ZNF407: variants seen among roughly 807,000 people sequenced by gnomAD.
The protein encoded by ZNF407 is zinc finger protein 407.
ZNF407 carries 17 observed loss-of-function variants against 131.2 expected under a neutral mutation model. The ratio of observed to expected loss-of-function variants is 0.13; its 90% CI spans 0.09 to 0.19. The LOEUF (loss-of-function observed/expected upper bound fraction) is 0.19. Ranked by LOEUF, ZNF407 falls within the 10% of genes least tolerant of loss-of-function variation. ZNF407 has a pLI of 1.00. For synonymous variants in ZNF407, 1,156 were observed against 1,062.0 expected (o/e 1.09, Z -1.72); for missense variants, 2,681 against 2,830.6 (o/e 0.95, Z 1.20).
rs1324206015 is a variant in ZNF407 at position 74,638,612 on chromosome 18, A to AT, written c.4688-2394dup. On this transcript the variant is annotated intron_variant, in intron 2 of 8. Transcript: ENST00000299687. ...AGACCTGGATTTTAAAGTCTTTGAA[A>AT]TTCTTTCGGTAAAGTAATAAGGTAC... Among the ~76,000 whole-genome samples the AT allele has an allele frequency of 3.3e-5, 5 of 152,316 alleles. No individual in the cohort carries two copies. In the East Asian group the frequency reaches 5.8e-4, roughly 18 times the overall value.
chr18:74,786,793 GTTTTTTTTT>G lies in ZNF407; in HGVS notation c.4877+5311_4877+5319del, dbSNP rs869103622. ...AATTGGTTTTAATGTAAAAAAGTATGTTTTTTTTTTTTTTTTTTTTTTTTTTTTGGAGAT... is the reference window on the plus strand; with the variant it reads ...AATTGGTTTTAATGTAAAAAAGTATGTTTTTTTTTTTTTTTTTTTGGAGAT... On this transcript the variant is annotated intron_variant, in intron 4 of 8. Coordinates refer to ENST00000299687, the MANE Select transcript of ZNF407 (RefSeq NM_017757.3). 2.2e-4 allele frequency among the ~76,000 whole-genome samples: 20 copies of G among 89,360 alleles called. 1 individual carries two copies. The East Asian group carries it at 4.3e-3, about 19-fold the overall frequency. 58.6% of individuals were successfully genotyped at this position (89,360 alleles called of 152,430 possible).
intron 8 of ZNF407, among the ~76,000 whole-genome samples, chr18:75,006,966 G>A (rs1322534173): frequency 6.6e-6 from 1 of 151,870 alleles, no homozygotes; most frequent in Non-Finnish European, 1.5e-5. Context: ...TTGCCTAAAA[G>A]TCTATTCTGT....
At chr18:75,039,718 C>T (rs1041399296) in intron 8 of ZNF407, among the ~76,000 whole-genome samples, 53 of 111,928 alleles carry the variant, frequency 4.7e-4, no homozygotes, top group African/African-American at 8.9e-4. Flanking sequence ...AGGGGCCAAG[C>T]TTTTTTTTTT....
At chr18:74,601,329 C>CTGTGTG (rs60358173) in intron 1 of ZNF407, among the ~76,000 whole-genome samples, 12,486 of 144,786 alleles carry the variant, frequency 0.086, 569 homozygotes, top group Middle Eastern at 0.11. Context: ...GTGTGTATGT[C>CTGTGTG]TGTGTGTGTG....
chr18:74,634,412 T>A lies in ZNF407; in HGVS notation c.3393T>A (p.Asn1131Lys), dbSNP rs761253684. 2 of 1,613,472 alleles carry A rather than the reference T, an allele frequency of 1.2e-6. No individual in the cohort carries two copies. Among genetic ancestry groups the A allele is most frequent in the African/African-American group, 2.7e-5 (2 of 74,904 alleles). The change falls in exon 2 of 9, where the codon AAT becomes AAA. Residue 1131 changes from asparagine to lysine, a missense_variant. By Grantham distance (94) the Asn-to-Lys change is moderately conservative. Around this residue, in one of 6 missense-constraint regions of ZNF407, gnomAD observed 1,789 missense variants for 1,748.7 expected, o/e 1.02. Transcript: ENST00000299687. ...SRNAADCSIL[N>K]ENTNLDMSKV... is the part of the protein sequence containing the mutation. ...ATGCTGCAGATTGCTCTATTTTAAA[T>A]GAGAATACTAATTTAGATATGTCTA...
chr18:74,960,705 G>A (rs918232180), intron 8 of ZNF407, among the ~76,000 whole-genome samples: 1 of 147,678 alleles, frequency 6.8e-6, no homozygotes, highest in African/African-American at 2.5e-5. Flanking sequence ...TGGGTGGAGG[G>A]ATAGGAGAAG....
chr18:74,771,223 T>C (rs1312840600), intron 3 of ZNF407, among the ~76,000 whole-genome samples: 1 of 152,148 alleles, frequency 6.6e-6, no homozygotes, highest in Non-Finnish European at 1.5e-5. Context: ...ATCAATGATT[T>C]GGTAAGAGTT....
chr18:74,744,424 C>T (rs1407927251), intron 3 of ZNF407, among the ~76,000 whole-genome samples: 1 of 152,094 alleles, frequency 6.6e-6, no homozygotes, highest in Non-Finnish European at 1.5e-5. Context: ...TAGTCAATAG[C>T]TAATTTGGAT....
chr18:74,757,303 G>C (rs1599128876), intron 3 of ZNF407, among the ~76,000 whole-genome samples: 1 of 151,992 alleles, frequency 6.6e-6, no homozygotes, highest in Admixed American at 6.5e-5. Context: ...AAATTTCCCT[G>C]TGTCTATTGC....
chr18:75,060,922 G>T (rs938460501), intron 8 of ZNF407, among the ~76,000 whole-genome samples: 33 of 152,180 alleles, frequency 2.2e-4, no homozygotes, highest in South Asian at 4.1e-4. Context: ...TTCAAATCCA[G>T]GACCGTGTTC....
chr18:74,884,456 C>T (rs1216800296), intron 6 of ZNF407, among the ~76,000 whole-genome samples: 1 of 152,140 alleles, frequency 6.6e-6, no homozygotes, highest in Middle Eastern at 3.2e-3. Flanking sequence ...TATAAATTGA[C>T]ATGGACTTAA....
intron 8 of ZNF407, among the ~76,000 whole-genome samples, chr18:74,929,965 A>AAATGTTAACATCAAACATAACC: frequency 6.6e-6 from 1 of 152,232 alleles, no homozygotes; most frequent in East Asian, 1.9e-4. Flanking sequence ...CAACTTTCCC[A>AAATGTTAACATCAAACATAACC]AATGTTAACA....
intron 4 of ZNF407, among the ~76,000 whole-genome samples, chr18:74,801,071 A>G (rs1468073490): frequency 6.6e-6 from 1 of 152,142 alleles, no homozygotes; most frequent in Non-Finnish European, 1.5e-5. Context: ...GAAAATAAGC[A>G]GTCCATACTC....
At chr18:74,794,223 C>G (rs981560254) in intron 4 of ZNF407, among the ~76,000 whole-genome samples, 1 of 152,226 alleles carries the variant, frequency 6.6e-6, no homozygotes, top group South Asian at 2.1e-4. Context: ...AGCGTCTTCA[C>G]GTGTGTATTT....
intron 4 of ZNF407, among the ~76,000 whole-genome samples, chr18:74,865,482 A>G (rs989374956): frequency 2.6e-5 from 4 of 152,194 alleles, no homozygotes; most frequent in Admixed American, 2.0e-4. Flanking sequence ...AATGCCAAAT[A>G]TAAATATATT....
At chr18:74,770,966 G>C (rs1454867324) in intron 3 of ZNF407, among the ~76,000 whole-genome samples, 5 of 152,008 alleles carry the variant, frequency 3.3e-5, no homozygotes, top group Admixed American at 3.3e-4. Context: ...AAATATAATA[G>C]CATTTATTTT....
At chr18:75,061,460 A>G (rs7227717) in intron 8 of ZNF407, 147,091 of 152,370 alleles carry the variant, frequency 0.97, 71,240 homozygotes, top group East Asian at 1. Flanking sequence ...GGCAGGGAGC[A>G]GCAGGCGTTG....
At chr18:74,976,588 T>A (rs1027904039) in intron 8 of ZNF407, among the ~76,000 whole-genome samples, 13 of 152,224 alleles carry the variant, frequency 8.5e-5, no homozygotes, top group African/African-American at 3.1e-4. Context: ...AGGCTGCCAA[T>A]AACCCTTCAC....
In ZNF407 at chr18:74,955,133, A is replaced by G. The variant is rs150563311; in HGVS notation, c.5428+34441A>G. Among the ~76,000 whole-genome samples, 23 of 152,278 alleles carry G rather than the reference A, an allele frequency of 1.5e-4. No individual in the cohort carries two copies. The East Asian group carries it at 4.4e-3, about 29-fold the overall frequency. ...GTTAGGAGTTTGGAACCCTGAGGGTAGTGCTGAGGGGCCGTTTAGGGTCGT... is the reference window on the plus strand; with the variant it reads ...GTTAGGAGTTTGGAACCCTGAGGGTGGTGCTGAGGGGCCGTTTAGGGTCGT... On this transcript the variant is annotated intron_variant, in intron 8 of 8. Coordinates refer to ENST00000299687, the MANE Select transcript of ZNF407 (RefSeq NM_017757.3).
Sources: gnomAD v4.1 joint callset for allele counts (sites outside exome capture counted in the v4.1 genomes callset) on GRCh38, gnomAD v4.1.1 for gene constraint, gnomAD v4.1.1 regional missense constraint, MANE v1.5 for transcripts, NCBI Gene and HGNC (gene_info 2026-07-23, HGNC 2026-07-21) for gene names.